Variants in LTBP4 observed in about 807,000 individuals in gnomAD.
The protein encoded by LTBP4 is latent transforming growth factor beta binding protein 4, also known as latent-transforming growth factor beta-binding protein 4.
LTBP4 carries 93 observed loss-of-function variants against 180.2 expected under a neutral mutation model. That is an observed-to-expected ratio of 0.52 (90% confidence interval 0.44 to 0.61). The LOEUF (loss-of-function observed/expected upper bound fraction) is 0.61. Among genes scored for constraint, LTBP4 ranks in the 20% least tolerant of loss-of-function variants. LTBP4 has a pLI of 0.00. For missense variants in LTBP4, 2,116 were observed against 2,256.5 expected (o/e 0.94, Z 1.26); for synonymous variants, 947 against 934.5 (o/e 1.01, Z -0.24).
rs745511698 is a variant in LTBP4 at position 40,612,122 on chromosome 19, G to A, written c.2229G>A (p.Val743=). The A allele has an allele frequency of 3.3e-5, 53 of 1,613,440 alleles. No individual in the cohort carries two copies. Among genetic ancestry groups the A allele is most frequent in the Non-Finnish European group, 4.3e-5 (51 of 1,179,726 alleles). The change falls in exon 15 of 30, where the codon GTG becomes GTA. Residue 743 remains valine, a synonymous_variant. Coordinates refer to ENST00000396819, the MANE Select transcript of LTBP4 (RefSeq NM_001042545.2). ...TCGCATGCCCTGGGCAGGAGTGTGT[G>A]AACTCGCCCGGCTCCTTCCAGTGCA... ...NHLACPGQEC[V]NSPGSFQCRT...
chr19:40,623,824 A>G, intron 25 of LTBP4, 92 bp downstream of exon 25: 2 of 1,598,190 alleles, frequency 1.3e-6, no homozygotes, highest in African/African-American at 2.7e-5. Context: ...ACCAGCGGGA[A>G]GTCTTTCCTG....
In LTBP4 at chr19:40,629,429, C is replaced by T. The variant is rs781061848; in HGVS notation, c.4553C>T (p.Ser1518Phe). 5.6e-5 allele frequency: 90 copies of T among 1,612,692 alleles called. No individual in the cohort carries two copies. The highest frequency in any genetic ancestry group is 1.8e-4 in the Admixed American group (11 of 59,990). ...GAGTGTGATGAGGCCGAGGCTGCCT[C>T]CCCGCTGTGCGTCAACGCGCGTTGC... is the stretch of plus-strand genomic sequence containing the variant. ...INECDEAEAASPLCVNARCLN... is the reference protein window; with the variant it reads ...INECDEAEAAFPLCVNARCLN... Residue 1518 changes from serine (S) to phenylalanine (F), a missense_variant, in exon 30 of 30, where the codon TCC (serine) becomes TTC (phenylalanine). Ser to Phe is a radical substitution (Grantham distance 155). Around this residue, in one of 5 missense-constraint regions of LTBP4, gnomAD observed 488 missense variants for 458.8 expected, o/e 1.06. Coordinates refer to ENST00000396819, the MANE Select transcript of LTBP4 (RefSeq NM_001042545.2). This position sits in a 1 kb window ranked among gnomAD's most constrained non-coding sequence, Gnocchi z 4.5.
Position 40,613,707 on chromosome 19 carries a change from A to T in LTBP4, c.2557+178A>T. On this transcript the variant is annotated intron_variant, in intron 17 of 29. Transcript: ENST00000396819. This position sits in a 1 kb window ranked among gnomAD's most constrained non-coding sequence, Gnocchi z 5.0. ...GAGGGGGGGCGGGGCGTGGAGATGA[A>T]AGGGCCGAGTCTGGGTATTTGGACC... 1.6e-6 allele frequency: 2 copies of T among 1,228,408 alleles called. No individual in the cohort carries two copies. The highest frequency in any genetic ancestry group is 2.7e-5 in the South Asian group (2 of 75,258). The allele number at this position is 1,228,408 out of a possible 1,614,324, so 76.1% of individuals were successfully genotyped here.
chr19:40,598,398 G>A (rs1248127314), upstream of LTBP4: 3 of 145,484 alleles, frequency 2.1e-5, no homozygotes, highest in Non-Finnish European at 4.5e-5. Flanking sequence ...TCCTCTCGGG[G>A]TCTGGGCGCG....
At chr19:40,623,174 C>CTTTTTTTTTT (rs11376199) in intron 24 of LTBP4, among the ~76,000 whole-genome samples, 153 bp downstream of exon 24, 1 of 138,366 alleles carries the variant, frequency 7.2e-6, no homozygotes, top group Non-Finnish European at 1.5e-5. Context: ...TCTTTTCTTT[C>CTTTTTTTTTT]TTTTTTTTTT....
chr19:40,610,576 C>A lies in LTBP4; in HGVS notation c.1729C>A (p.Arg577Ser). The A allele has an allele frequency of 6.3e-7, 1 of 1,593,144 alleles. No individual in the cohort carries two copies. Among genetic ancestry groups the A allele is most frequent in the Non-Finnish European group, 8.5e-7 (1 of 1,175,844 alleles). ...HRVPPPCDLGRCENTPGSFLC... is the reference protein window; with the variant it reads ...HRVPPPCDLGSCENTPGSFLC... ...CGTGCCGCCGCCGTGTGACCTCGGG[C>A]GCTGCGAGAACACGCCAGGCAGCTT... The change falls in exon 12 of 30, where the codon CGC becomes AGC. Residue 577 changes from arginine (R) to serine (S), a missense_variant. Around this residue, in one of 5 missense-constraint regions of LTBP4, gnomAD observed 877 missense variants for 873.6 expected, o/e 1.00. Transcript: ENST00000396819.
At chr19:40,620,668 C>G (rs1056933654) in intron 22 of LTBP4, among the ~76,000 whole-genome samples, 1 of 145,460 alleles carries the variant, frequency 6.9e-6, no homozygotes, top group South Asian at 2.1e-4. Context: ...CCCAGCTATT[C>G]GAAAGGCTGA....
intron 19 of LTBP4, among the ~76,000 whole-genome samples, chr19:40,614,685 G>A (rs1274012883): frequency 2.6e-5 from 4 of 152,216 alleles, no homozygotes; most frequent in Admixed American, 2.6e-4. Context: ...GCTGAAGCCC[G>A]GTCCACATTT....
upstream of LTBP4, among the ~76,000 whole-genome samples, chr19:40,600,606 A>G (rs1200745374): frequency 6.6e-6 from 1 of 151,970 alleles, no homozygotes; most frequent in African/African-American, 2.4e-5. This position sits in a 1 kb window ranked among gnomAD's most constrained non-coding sequence, Gnocchi z 4.4. Flanking sequence ...CTCCCGCTCC[A>G]GCTCTTGACC....
intron 4 of LTBP4, among the ~76,000 whole-genome samples, 178 bp from the exon 5 acceptor site, chr19:40,606,055 C>T (rs1019971579): frequency 2.6e-5 from 4 of 152,192 alleles, no homozygotes; most frequent in African/African-American, 7.2e-5. Context: ...TGCCTTGGCC[C>T]CCCACCATAT....
chr19:40,597,342 G>A (rs184935788), upstream of LTBP4: 1,804 of 1,523,558 alleles, frequency 1.2e-3, 27 homozygotes, highest in African/African-American at 0.021. Context: ...GCCCCAGCCA[G>A]GTCGTCGAGG....
At chr19:40,600,387 C>T (rs971244679), upstream of LTBP4, among the ~76,000 whole-genome samples, 1 of 152,178 alleles carries the variant, frequency 6.6e-6, no homozygotes. This position sits in a 1 kb window ranked among gnomAD's most constrained non-coding sequence, Gnocchi z 4.4. Flanking sequence ...GGCACTGACC[C>T]GCGGGGGTGG....
rs374110878 is a variant in LTBP4, at chr19:40,623,650, C to T, written c.3603C>T (p.Gly1201=). Residue 1201 remains glycine (G), a synonymous_variant, in exon 25 of 30, where the codon GGC becomes GGT. Coordinates refer to ENST00000396819, the MANE Select transcript of LTBP4 (RefSeq NM_001042545.2). ...TCCGAGACCAGGTGTGCAAGAGTGG[C>T]GTGTGTGTGAACACGGCCCCGGGCT... is the stretch of plus-strand genomic sequence containing the variant. ...QLFRDQVCKS[G]VCVNTAPGYS... 1.9e-6 allele frequency: 3 copies of T among 1,613,818 alleles called. No homozygotes were observed. The highest frequency in any genetic ancestry group is 2.5e-6 in the Non-Finnish European group (3 of 1,179,878).
rs763174151 is a variant in LTBP4, at chr19:40,617,029, C to T, written c.2944+9C>T. 1.2e-6 allele frequency: 2 copies of T among 1,612,894 alleles called. No individual in the cohort carries two copies. The highest frequency in any genetic ancestry group is 1.7e-6 in the Non-Finnish European group (2 of 1,178,914). On this transcript the variant is annotated intron_variant, in intron 20 of 29. Transcript: ENST00000396819. ...AGGGGGCGGATGCCAGGGTGGGTGTCCATCAGGCATCGGGTGAGATGTGGA... is the reference window on the plus strand; with the variant it reads ...AGGGGGCGGATGCCAGGGTGGGTGTTCATCAGGCATCGGGTGAGATGTGGA...
intron 21 of LTBP4, 100 bp from the exon 22 acceptor site, chr19:40,619,247 A>G: frequency 8.1e-7 from 1 of 1,241,648 alleles, no homozygotes; most frequent in Admixed American, 2.1e-5. Flanking sequence ...TGGGCCATTA[A>G]ATATACACAT....
chr19:40,626,051 A>T, intron 27 of LTBP4, 42 bp downstream of exon 27: 1 of 1,535,352 alleles, frequency 6.5e-7, no homozygotes, highest in East Asian at 2.5e-5. Context: ...GCCTTGCCCC[A>T]TGGGCTCCAA....
In LTBP4 at chr19:40,617,149, C is replaced by T. The variant is rs368479591; in HGVS notation, c.2994C>T (p.Cys998=). 3.0e-5 allele frequency: 48 copies of T among 1,613,860 alleles called. No homozygotes were observed. The highest frequency in any genetic ancestry group is 4.1e-5 in the Non-Finnish European group (48 of 1,179,898). Residue 998 remains cysteine, a synonymous_variant, in exon 21 of 30, where the codon TGC becomes TGT. Coordinates refer to ENST00000396819, the MANE Select transcript of LTBP4 (RefSeq NM_001042545.2). ...CCTTCTGCGGTGCCCACGCCGTGTGCCAGAACCTGCCCGGCTCCTTCCAGT... is the reference window on the plus strand; with the variant it reads ...CCTTCTGCGGTGCCCACGCCGTGTGTCAGAACCTGCCCGGCTCCTTCCAGT... ...NRSFCGAHAV[C]QNLPGSFQCL... is the part of the protein sequence containing the mutation.
In LTBP4 at chr19:40,613,187, C is replaced by A. The variant is rs1385640421; in HGVS notation, c.2422C>A (p.Pro808Thr). Residue 808 changes from proline (P) to threonine (T), a missense_variant, in exon 16 of 30, where the codon CCC becomes ACC. Coordinates refer to ENST00000396819, the MANE Select transcript of LTBP4 (RefSeq NM_001042545.2). This position sits in a 1 kb window ranked among gnomAD's most constrained non-coding sequence, Gnocchi z 5.0. ...GYRAPSGRPG[P>T]CADVNECLEG... The stretch of plus-strand genomic sequence containing the variant: ...CCGGGCGCCGTCGGGTCGGCCCGGG[C>A]CCTGCGCAGGTGAGCAGCATAGGGA... The A allele has an allele frequency of 1.9e-6, 3 of 1,568,676 alleles. No homozygotes were observed. The highest frequency in any genetic ancestry group is 2.7e-5 in the African/African-American group (2 of 73,696).
Position 40,607,419 on chromosome 19 carries a change from G to A in LTBP4, c.1046G>A (p.Gly349Asp). 1.2e-6 allele frequency: 2 copies of A among 1,613,112 alleles called. No homozygotes were observed. Among genetic ancestry groups the A allele is most frequent in the Non-Finnish European group, 1.7e-6 (2 of 1,179,652 alleles). ...CCCTGCTTCCGCGTGCTCCGCGACG[G>A]CGGCTGTTCGCTGCCCATTCTGCGG... ...KGPCFRVLRD[G>D]GCSLPILRNI... The change falls in exon 7 of 30, where the codon GGC becomes GAC. Residue 349 changes from glycine to aspartate, a missense_variant. This residue lies in a region of LTBP4 where 469 missense variants were observed against 532.5 expected (regional missense o/e 0.88). Transcript: ENST00000396819.
Sources: gnomAD v4.1 joint callset for allele counts (sites outside exome capture counted in the v4.1 genomes callset) on GRCh38, gnomAD v4.1.1 for gene constraint, gnomAD v4.1.1 regional missense constraint, Gnocchi (gnomAD v3.1) non-coding constraint, MANE v1.5 for transcripts, NCBI Gene and HGNC (gene_info 2026-07-23, HGNC 2026-07-21) for gene names.